Variants in VWC2L observed in about 807,000 individuals in gnomAD.
VWC2L encodes von Willebrand factor C domain containing 2 like.
Under a neutral mutation model 21.6 loss-of-function variants are expected in VWC2L, and 10 were observed. The observed-to-expected ratio is 0.46, with a 90% CI of 0.29 to 0.78. VWC2L has a LOEUF of 0.78. Among genes scored for constraint, VWC2L ranks in the 30% least tolerant of loss-of-function variants. The pLI is 0.10. For missense variants in VWC2L, 209 were observed against 277.1 expected, an observed-to-expected ratio of 0.75 and a Z score of 1.74; for synonymous variants, 96 against 94.3, an observed-to-expected ratio of 1.02 and a Z score of -0.10.
At chr2:214,426,764 T>C (rs1702529426) in intron 2 of VWC2L, among the ~76,000 whole-genome samples, 1 of 152,228 alleles carries the variant, frequency 6.6e-6, no homozygotes. Flanking sequence ...ATGCAAGTAA[T>C]GTGGTAGAGA....
chr2:214,463,826 A>G (rs1055543923), intron 3 of VWC2L, among the ~76,000 whole-genome samples: 20 of 152,186 alleles, frequency 1.3e-4, no homozygotes, highest in African/African-American at 4.8e-4. Context: ...TAGATCTTGT[A>G]GGCATGCTTC....
At chr2:214,527,311 G>T (rs1206050043) in intron 3 of VWC2L, among the ~76,000 whole-genome samples, 1 of 152,136 alleles carries the variant, frequency 6.6e-6, no homozygotes, top group African/African-American at 2.4e-5. Flanking sequence ...CTACCTGGTT[G>T]ACAGGATCAT....
intron 3 of VWC2L, among the ~76,000 whole-genome samples, chr2:214,471,107 T>C (rs1703303074): frequency 6.6e-6 from 1 of 152,122 alleles, no homozygotes; most frequent in South Asian, 2.1e-4. Flanking sequence ...TTTTATTGTC[T>C]ACAAGAATGT....
chr2:214,436,606 G>T, intron 2 of VWC2L, 23 bp from the exon 3 acceptor site: 1 of 1,611,514 alleles, frequency 6.2e-7, no homozygotes, highest in South Asian at 1.1e-5. Flanking sequence ...GAGAAAAGGG[G>T]CTAATTTTAG....
At chr2:214,475,126 A>G (rs1462113472) in intron 3 of VWC2L, among the ~76,000 whole-genome samples, 1 of 152,194 alleles carries the variant, frequency 6.6e-6, no homozygotes, top group East Asian at 1.9e-4. Context: ...AAAGCTTTAC[A>G]TTGTAGATGT....
chr2:214,574,538 A>G (rs1255298477), intron 3 of VWC2L, among the ~76,000 whole-genome samples: 1 of 152,190 alleles, frequency 6.6e-6, no homozygotes, highest in Non-Finnish European at 1.5e-5. Context: ...GGGGTAAGAA[A>G]GTGAAAGTAG....
chr2:214,531,995 G>A (rs1689443617), intron 3 of VWC2L, among the ~76,000 whole-genome samples: 1 of 152,038 alleles, frequency 6.6e-6, no homozygotes, highest in South Asian at 2.1e-4. Context: ...GCTCAGTAAA[G>A]GCTAAGGGGA....
At chr2:214,519,877 T>G (rs1259552731) in intron 3 of VWC2L, among the ~76,000 whole-genome samples, 2 of 152,132 alleles carry the variant, frequency 1.3e-5, no homozygotes, top group Non-Finnish European at 2.9e-5. Flanking sequence ...AAATCAAGAT[T>G]TATATATGTG....
chr2:214,489,191 T>C (rs1410701266), intron 3 of VWC2L, among the ~76,000 whole-genome samples: 1 of 152,198 alleles, frequency 6.6e-6, no homozygotes, highest in African/African-American at 2.4e-5. Context: ...TCATATCAGC[T>C]AGTGCTCAAA....
At position 214,576,105 on chromosome 2, in the gene VWC2L, C is replaced by A; in HGVS notation, c.*285C>A. 1 of 198,524 alleles carries A rather than the reference C, an allele frequency of 5.0e-6. No individual in the cohort carries two copies. The highest frequency in any genetic ancestry group is 1.0e-5 in the Non-Finnish European group (1 of 98,426). The allele number at this position is 198,524 out of a possible 1,614,324, so 12.3% of individuals were successfully genotyped here. A position where few individuals can be genotyped will look rare whatever the true frequency, so the allele number is the denominator to read the frequency against. On this transcript the variant is annotated 3_prime_UTR_variant, in exon 4 of 4. Coordinates refer to ENST00000312504, the MANE Select transcript of VWC2L (RefSeq NM_001080500.4). ...TGCTGGAACAAAAAGAAAGAAATAG[C>A]CTTGCACAGGCTCCTTCCCTGGTAA...
chr2:214,436,842 C>G (rs1702686078), intron 3 of VWC2L, 84 bp downstream of exon 3: 1 of 1,510,328 alleles, frequency 6.6e-7, no homozygotes, highest in Non-Finnish European at 9.1e-7. Context: ...CAATGCAAGA[C>G]CCCTCTAAGA....
intron 3 of VWC2L, among the ~76,000 whole-genome samples, chr2:214,522,370 G>T (rs1245656443): frequency 4.4e-5 from 3 of 68,100 alleles, no homozygotes; most frequent in Admixed American, 2.3e-4. Context: ...GCGAGACCCC[G>T]TCTCAAAAAA....
At position 214,414,211 on chromosome 2, in the gene VWC2L, T is replaced by A. The variant is rs115907662; in HGVS notation, c.18T>A (p.His6Gln). MALHI[H>Q]EACILLLVIP... ...AGAGGGGGATGGCTCTTCATATTCATGAAGCTTGCATACTTCTGTTGGTCA... is the reference window on the plus strand; with the variant it reads ...AGAGGGGGATGGCTCTTCATATTCAAGAAGCTTGCATACTTCTGTTGGTCA... The change falls in exon 2 of 4, where the codon CAT (histidine) becomes CAA (glutamine). Residue 6 changes from histidine to glutamine, a missense_variant. Coordinates refer to ENST00000312504, the MANE Select transcript of VWC2L (RefSeq NM_001080500.4). 5,346 of 1,612,054 alleles carry A rather than the reference T, an allele frequency of 3.3e-3. 13 individuals carry two copies. Among genetic ancestry groups the A allele is most frequent in the Non-Finnish European group, 3.9e-3 (4,635 of 1,179,394 alleles).
intron 3 of VWC2L, among the ~76,000 whole-genome samples, chr2:214,555,684 T>C (rs1384421303): frequency 1.3e-5 from 2 of 152,196 alleles, no homozygotes; most frequent in Non-Finnish European, 2.9e-5. Flanking sequence ...CACTTCTAAA[T>C]GTTTCCTCTA....
intron 3 of VWC2L, among the ~76,000 whole-genome samples, chr2:214,560,658 G>C (rs1689952301): frequency 1.3e-5 from 2 of 152,084 alleles, no homozygotes; most frequent in Non-Finnish European, 2.9e-5. Flanking sequence ...TTTTTAACCT[G>C]TTTCAATCCC....
chr2:214,515,822 TGGGATTACAGGCCAGCGTGTACA>T (rs1351103294), intron 3 of VWC2L, among the ~76,000 whole-genome samples: 6 of 152,206 alleles, frequency 3.9e-5, no homozygotes, highest in Non-Finnish European at 5.9e-5. Flanking sequence ...CCCAAAGTGC[TGGGATTACAGGCCAGCGTGTACA>T]GGGATTACAG....
At chr2:214,563,677 A>C (rs1690017274) in intron 3 of VWC2L, among the ~76,000 whole-genome samples, 1 of 152,000 alleles carries the variant, frequency 6.6e-6, no homozygotes, top group Admixed American at 6.6e-5. Context: ...CCAGGTATTG[A>C]AGGAACATAC....
At chr2:214,560,538 G>A (rs1230801310) in intron 3 of VWC2L, among the ~76,000 whole-genome samples, 2 of 152,172 alleles carry the variant, frequency 1.3e-5, no homozygotes, top group Non-Finnish European at 2.9e-5. Flanking sequence ...TTTCATCAAG[G>A]AACTAGGCAG....
chr2:214,533,626 C>G (rs754522143), intron 3 of VWC2L, among the ~76,000 whole-genome samples: 14 of 151,642 alleles, frequency 9.2e-5, no homozygotes, highest in Non-Finnish European at 2.1e-4. Context: ...CTCAAAGACA[C>G]AGTTGTTATT....
Sources: gnomAD v4.1 joint callset for allele counts (sites outside exome capture counted in the v4.1 genomes callset) on GRCh38, gnomAD v4.1.1 for gene constraint, MANE v1.5 for transcripts, NCBI Gene and HGNC (gene_info 2026-07-23, HGNC 2026-07-21) for gene names.